Variants in CAPN10 observed in about 807,000 individuals in gnomAD.
The protein encoded by CAPN10 is calpain-10.
CAPN10 carries 71 observed loss-of-function variants against 78.4 expected under a neutral mutation model. That is an observed-to-expected ratio of 0.91 (90% CI 0.75 to 1.10). The LOEUF is 1.10. Ranked by LOEUF, CAPN10 falls within the 50% of genes least tolerant of loss-of-function variation. The pLI, the probability that CAPN10 is intolerant of heterozygous loss-of-function variation, is 0.00. For missense variants in CAPN10, 849 were observed against 924.6 expected (o/e 0.92, Z 1.06); for synonymous variants, 437 against 407.2 (o/e 1.07, Z -0.88).
In CAPN10 at chr2:240,596,695, T is replaced by G. The variant is rs1263580929; in HGVS notation, c.1496T>G (p.Val499Gly). Residue 499 changes from valine (V) to glycine (G), a missense_variant, in exon 9 of 12, where the codon GTG becomes GGG. Transcript: ENST00000391984. Reference protein sequence around the residue: ...GRVSLSAIRAVAKNTTPGAAL... With the variant: ...GRVSLSAIRAGAKNTTPGAAL... The stretch of plus-strand genomic sequence containing the variant: ...CTTCTTGGCAGCGCCATCAGGGCAG[T>G]GGCCAAGAACACCACCCCCGGGGCA... The G allele has an allele frequency of 1.3e-6, 2 of 1,553,886 alleles. No homozygotes were observed. The highest frequency in any genetic ancestry group is 1.7e-6 in the Non-Finnish European group (2 of 1,149,462).
At chr2:240,588,800 G>T (rs554381330) in intron 1 of CAPN10, among the ~76,000 whole-genome samples, 6 of 152,016 alleles carry the variant, frequency 3.9e-5, no homozygotes, top group African/African-American at 1.5e-4. Context: ...GTGGGATTCT[G>T]CCCGGGGAGC....
At chr2:240,596,276 C>G in intron 7 of CAPN10, 43 bp from the exon 8 acceptor site, 3 of 1,559,160 alleles carry the variant, frequency 1.9e-6, no homozygotes, top group Non-Finnish European at 2.6e-6. Flanking sequence ...GGCGTCTGAC[C>G]CCGGCCGCTC....
rs762773236 is a variant in CAPN10 at position 240,591,927 on chromosome 2, C to G, written c.471-6C>G. On this transcript the variant is annotated splice_polypyrimidine_tract_variant and splice_region_variant and intron_variant, in intron 3 of 11. Transcript: ENST00000391984. ...GGCTCACTCCCATGGTGATTGTGTC[C>G]CCTAGGGTCCATGGGTCCTACGAGC... 1 of 1,611,158 alleles carries G rather than the reference C, an allele frequency of 6.2e-7. No individual in the cohort carries two copies. Among genetic ancestry groups the G allele is most frequent in the Non-Finnish European group, 8.5e-7 (1 of 1,178,852 alleles).
In CAPN10 at chr2:240,592,133, T is replaced by A. The variant is rs934068237; in HGVS notation, c.671T>A (p.Val224Glu). 1 of 1,569,068 alleles carries A rather than the reference T, an allele frequency of 6.4e-7. No individual in the cohort carries two copies. The highest frequency in any genetic ancestry group is 1.3e-5 in the African/African-American group (1 of 74,366). The change falls in exon 4 of 12, where the codon GTG becomes GAG. Residue 224 changes from valine to glutamate, a missense_variant. Coordinates refer to ENST00000391984, the MANE Select transcript of CAPN10 (RefSeq NM_023083.4). ...GACCAGTGTCTGATCAGCTGCTGCG[T>A]GCTCAGCCCCAGAGCAGGTGAGGCA... is the stretch of plus-strand genomic sequence containing the variant. ...LKDQCLISCC[V>E]LSPRAGAREL... is the part of the protein sequence containing the mutation.
intron 2 of CAPN10, chr2:240,589,755 A>G: frequency 2.6e-6 from 1 of 382,262 alleles, no homozygotes; most frequent in Non-Finnish European, 4.7e-6. Flanking sequence ...TCAGATCACC[A>G]CGTTTAGAAT....
chr2:240,594,340 A>G, intron 5 of CAPN10: 1 of 641,374 alleles, frequency 1.6e-6, no homozygotes, highest in Non-Finnish European at 2.7e-6. Flanking sequence ...GGGAAAAGAG[A>G]GGGCTCCAGG....
intron 4 of CAPN10, chr2:240,592,702 G>A (rs576243915): frequency 1.7e-5 from 6 of 348,806 alleles, no homozygotes; most frequent in South Asian, 4.5e-5. Context: ...TTTTGAGTGC[G>A]CTCTCAGTTT....
intron 4 of CAPN10, 27 bp downstream of exon 4, chr2:240,592,177 G>C: frequency 2.0e-6 from 3 of 1,535,198 alleles, no homozygotes; most frequent in Non-Finnish European, 2.6e-6. Flanking sequence ...GCATGGGAGG[G>C]CTGCAGCCAG....
intron 10 of CAPN10, 45 bp from the exon 11 acceptor site, chr2:240,598,307 G>T (rs1461788248): frequency 6.3e-7 from 1 of 1,595,052 alleles, no homozygotes; most frequent in Non-Finnish European, 8.6e-7. Context: ...AGCCACTTGT[G>T]TGACAAGTGC....
Position 240,598,719 on chromosome 2 carries a change from C to A in CAPN10, c.*39C>A, listed in dbSNP as rs759271453. ...TGTGCCAGCTCAGGTGACTGGAGCC[C>A]GAGGGCCTGACAGGTTCCCAGCAGC... On this transcript the variant is annotated 3_prime_UTR_variant, in exon 12 of 12. Transcript: ENST00000391984. 6.4e-7 allele frequency: 1 copy of A among 1,551,858 alleles called. No homozygotes were observed.
At position 240,586,945 on chromosome 2, in the gene CAPN10, G is replaced by A. The variant is rs972507480; in HGVS notation, c.34G>A (p.Glu12Lys). Residue 12 changes from glutamate (E) to lysine (K), a missense_variant, in exon 1 of 12, where the codon GAG (glutamate) becomes AAG (lysine). Physicochemically the swap from Glu to Lys is moderately conservative, Grantham distance 56. Transcript: ENST00000391984. ...GGGCCGGGGCGCGACGCCGGCGAGG[G>A]AGCTGTTCCGGGACGCCGCCTTCCC... ...RAGRGATPAR[E>K]LFRDAAFPAA... is the part of the protein sequence containing the mutation. The A allele has an allele frequency of 2.7e-6, 4 of 1,469,798 alleles. No individual in the cohort carries two copies. The Admixed American group carries it at 7.5e-5, about 27-fold the overall frequency. The allele number at this position is 1,469,798 out of a possible 1,614,324, so 91.0% of individuals were successfully genotyped here.
intron 1 of CAPN10, among the ~76,000 whole-genome samples, chr2:240,587,677 C>T (rs568920269): frequency 4.1e-4 from 62 of 152,376 alleles, no homozygotes; most frequent in African/African-American, 1.4e-3. Flanking sequence ...AGAGCTGGAA[C>T]TTCTGGGCTC....
In CAPN10 at chr2:240,586,904, A is replaced by G. The variant is rs771895380; in HGVS notation, c.-8A>G. The G allele has an allele frequency of 7.1e-7, 1 of 1,402,808 alleles. No individual in the cohort carries two copies. Among genetic ancestry groups the G allele is most frequent in the South Asian group, 1.5e-5 (1 of 66,298 alleles). The allele number at this position is 1,402,808 out of a possible 1,614,324, so 86.9% of individuals were successfully genotyped here. On this transcript the variant is annotated 5_prime_UTR_variant, in exon 1 of 12. Coordinates refer to ENST00000391984, the MANE Select transcript of CAPN10 (RefSeq NM_023083.4). ...ACCGGCTGCAGATGGGAGCCCGCGG[A>G]GCCGAGGATGCGGGCGGGCCGGGGC...
intron 4 of CAPN10, among the ~76,000 whole-genome samples, chr2:240,593,684 G>A (rs556801996): frequency 7.2e-5 from 11 of 152,350 alleles, no homozygotes; most frequent in African/African-American, 2.4e-4. Context: ...TGGCAGCCGA[G>A]TCAGGCCCCG....
rs528845336 is a variant in CAPN10 at position 240,598,609 on chromosome 2, G to A, written c.1990-42G>A. On this transcript the variant is annotated intron_variant, in intron 11 of 11. Coordinates refer to ENST00000391984, the MANE Select transcript of CAPN10 (RefSeq NM_023083.4). The stretch of plus-strand genomic sequence containing the variant: ...CACTCGGGGTGGGGTGTGAGAAGGG[G>A]CGAGTGCCACCGCTGCCCGGGCCCC... 177 of 1,562,234 alleles carry A rather than the reference G, an allele frequency of 1.1e-4. 2 individuals are homozygous for A. In the South Asian group the frequency reaches 2.0e-3, roughly 17 times the overall value.
At chr2:240,597,059 C>G in intron 9 of CAPN10, 117 bp downstream of exon 9, 1 of 1,287,826 alleles carries the variant, frequency 7.8e-7, no homozygotes, top group Non-Finnish European at 1.1e-6. Context: ...GCTCCCCCTG[C>G]CCTTCGAGGC....
intron 7 of CAPN10, 132 bp downstream of exon 7, chr2:240,595,436 T>C: frequency 1.0e-6 from 1 of 976,914 alleles, no homozygotes; most frequent in Non-Finnish European, 1.5e-6. Flanking sequence ...TCCCCCCTCC[T>C]TGGGCTGTTG....
Position 240,594,538 on chromosome 2 carries a change from TC to T in CAPN10, c.831-3del. ...GGGCTTCTGCTGAGATGAGGTTTCT[TC>T]CAGGGGTGAAGGGTGGAGCCAGGTA... is the stretch of plus-strand genomic sequence containing the variant. On this transcript the variant is annotated splice_polypyrimidine_tract_variant and splice_region_variant and intron_variant, in intron 5 of 11. Transcript: ENST00000391984. The T allele has an allele frequency of 1.2e-6, 2 of 1,611,156 alleles. No homozygotes were observed. Among genetic ancestry groups the T allele is most frequent in the Non-Finnish European group, 1.7e-6 (2 of 1,178,236 alleles).
Position 240,598,693 on chromosome 2 carries a change from CT to C in CAPN10, c.*14del, listed in dbSNP as rs2093153258. 6.4e-7 allele frequency: 1 copy of C among 1,570,318 alleles called. No homozygotes were observed. The stretch of plus-strand genomic sequence containing the variant: ...GATGAAAACCTAACAGGGTGGCCCC[CT>C]GTGCCAGCTCAGGTGACTGGAGCCC... On this transcript the variant is annotated 3_prime_UTR_variant, in exon 12 of 12. Coordinates refer to ENST00000391984, the MANE Select transcript of CAPN10 (RefSeq NM_023083.4).
Sources: allele counts gnomAD v4.1 joint callset (sites outside exome capture counted in the v4.1 genomes callset), GRCh38; gene constraint gnomAD v4.1.1; transcripts MANE v1.5; gene names NCBI Gene and HGNC (gene_info 2026-07-23, HGNC 2026-07-21).